The following DGKB variants were observed in gnomAD, a reference collection of about 807,000 sequenced individuals.
The protein encoded by DGKB is 90 kDa diacylglycerol kinase.
A neutral mutation model predicts 114.3 loss-of-function variants in DGKB; 67 were observed. The observed-to-expected ratio is 0.59, with a 90% CI of 0.48 to 0.72. The LOEUF (loss-of-function observed/expected upper bound fraction) is 0.72, where lower values mean the gene tolerates loss of function less well. Ranked by LOEUF, DGKB falls within the 30% of genes least tolerant of loss-of-function variation. DGKB has a pLI of 0.00. For missense variants in DGKB, 907 were observed against 975.2 expected, an observed-to-expected ratio of 0.93 and a Z score of 0.93; for synonymous variants, 398 against 323.1, an observed-to-expected ratio of 1.23 and a Z score of -2.49.
intron 23 of DGKB, among the ~76,000 whole-genome samples, chr7:14,277,105 C>T (rs982309377): frequency 6.6e-6 from 1 of 151,994 alleles, no homozygotes; most frequent in Non-Finnish European, 1.5e-5. Flanking sequence ...AAATTTTATA[C>T]CCTTTGACCA....
intron 25 of DGKB, among the ~76,000 whole-genome samples, chr7:14,150,762 G>A (rs765420846): frequency 5.9e-5 from 9 of 152,022 alleles, no homozygotes; most frequent in Non-Finnish European, 8.8e-5. Flanking sequence ...CTCTCAATAA[G>A]TCAGCATTAG....
At chr7:14,769,210 AAGAAAG>A (rs1390459627) in intron 2 of DGKB, among the ~76,000 whole-genome samples, 4 of 140,048 alleles carry the variant, frequency 2.9e-5, no homozygotes, top group East Asian at 2.1e-4. Context: ...GAAGAAAGGA[AAGAAAG>A]AGAAAGAGAG....
At chr7:14,220,352 G>C (rs753504348) in intron 23 of DGKB, among the ~76,000 whole-genome samples, 5 of 151,480 alleles carry the variant, frequency 3.3e-5, no homozygotes, top group Non-Finnish European at 7.4e-5. Flanking sequence ...TAGATATCCA[G>C]TTGTCTCAGC....
chr7:14,362,665 C>G (rs920263175), intron 21 of DGKB, among the ~76,000 whole-genome samples: 3 of 151,788 alleles, frequency 2.0e-5, no homozygotes, highest in Non-Finnish European at 4.4e-5. Context: ...AAAAATGCAA[C>G]AAAACATGGA....
chr7:14,645,035 C>G (rs1472199068), intron 13 of DGKB, among the ~76,000 whole-genome samples: 1 of 152,156 alleles, frequency 6.6e-6, no homozygotes, highest in African/African-American at 2.4e-5. Flanking sequence ...GAACTTCTAT[C>G]TCCATCTCAC....
At chr7:14,335,418 G>A (rs776115116) in intron 23 of DGKB, among the ~76,000 whole-genome samples, 2 of 151,816 alleles carry the variant, frequency 1.3e-5, no homozygotes, top group Non-Finnish European at 2.9e-5. Flanking sequence ...ACTATCTAAA[G>A]TTTATGAAAG....
chr7:14,598,418 A>G (rs2128757924), intron 17 of DGKB, among the ~76,000 whole-genome samples: 1 of 152,346 alleles, frequency 6.6e-6, no homozygotes, highest in South Asian at 2.1e-4. Context: ...ATGCAAAGGG[A>G]CTTTCTGCAT....
At chr7:14,918,340 A>C (rs1049738454) in intron 1 of DGKB, among the ~76,000 whole-genome samples, 1 of 152,178 alleles carries the variant, frequency 6.6e-6, no homozygotes, top group Non-Finnish European at 1.5e-5. Context: ...TAAAAGTACA[A>C]AAAAGAACAA....
intron 1 of DGKB, among the ~76,000 whole-genome samples, chr7:14,854,093 T>A (rs767910631): frequency 6.6e-6 from 1 of 152,158 alleles, no homozygotes; most frequent in Non-Finnish European, 1.5e-5. Context: ...GCATATGATT[T>A]CCTCATCTGG....
intron 2 of DGKB, among the ~76,000 whole-genome samples, chr7:14,815,618 C>A (rs1404981397): frequency 1.3e-5 from 2 of 152,210 alleles, no homozygotes; most frequent in Admixed American, 6.5e-5. Context: ...GCCTTGTTCT[C>A]TTCTAGCCAT....
chr7:14,535,113 T>A (rs1792217068), intron 20 of DGKB, among the ~76,000 whole-genome samples: 2 of 152,170 alleles, frequency 1.3e-5, no homozygotes, highest in Admixed American at 1.3e-4. Flanking sequence ...CTCACACTTG[T>A]AATCCCAAAA....
At position 14,878,562 on chromosome 7, in the gene DGKB, GGTGAAACCCC is replaced by G. The variant is rs375565636; in HGVS notation, c.-188+24020_-188+24029del. Among the ~76,000 whole-genome samples, 201 of 152,132 alleles carry G rather than the reference GGTGAAACCCC, an allele frequency of 1.3e-3. 1 individual carries two copies. Among genetic ancestry groups the G allele is most frequent in the African/African-American group, 4.5e-3 (187 of 41,524 alleles). ...AAATGGAGACCATCCTGGCTAACATGGTGAAACCCCGTCTCTACTAAGAATACAAAAACAA... is the reference window on the plus strand; with the variant it reads ...AAATGGAGACCATCCTGGCTAACATGGTCTCTACTAAGAATACAAAAACAA... On this transcript the variant is annotated intron_variant, in intron 1 of 25. Coordinates refer to ENST00000402815, the MANE Select transcript of DGKB (RefSeq NM_001350709.2).
intron 6 of DGKB, among the ~76,000 whole-genome samples, chr7:14,713,661 T>C (rs939007071): frequency 1.3e-5 from 2 of 151,056 alleles, no homozygotes; most frequent in East Asian, 2.0e-4. Flanking sequence ...TGTCAAACTA[T>C]AGGAAAGTTG....
chr7:14,296,011 T>A (rs893129313), intron 23 of DGKB, among the ~76,000 whole-genome samples: 1 of 150,812 alleles, frequency 6.6e-6, no homozygotes, highest in Admixed American at 6.7e-5. Context: ...CCAGCTTCAT[T>A]CATGTCCCTG....
chr7:14,578,375 G>C (rs1187492267), intron 19 of DGKB, among the ~76,000 whole-genome samples: 1 of 152,126 alleles, frequency 6.6e-6, no homozygotes, highest in Non-Finnish European at 1.5e-5. Context: ...ACAAGGCACT[G>C]TTATTTTCTT....
chr7:14,296,769 T>C (rs1802645921), intron 23 of DGKB, among the ~76,000 whole-genome samples: 1 of 149,738 alleles, frequency 6.7e-6, no homozygotes, highest in African/African-American at 2.4e-5. Context: ...TGTTTTTTTT[T>C]TTTTTTTTTT....
chr7:14,498,373 A>G (rs1247321117), intron 20 of DGKB, among the ~76,000 whole-genome samples: 1 of 151,896 alleles, frequency 6.6e-6, no homozygotes, highest in Non-Finnish European at 1.5e-5. Context: ...AAAGTATTAT[A>G]CAATCATAAT....
At chr7:14,810,990 T>C (rs1251160694) in intron 2 of DGKB, among the ~76,000 whole-genome samples, 2 of 152,138 alleles carry the variant, frequency 1.3e-5, no homozygotes, top group Non-Finnish European at 2.9e-5. Context: ...TTCACCTCTA[T>C]AGCCATGTGT....
At chr7:14,283,224 CA>C (rs1275899313) in intron 23 of DGKB, among the ~76,000 whole-genome samples, 1 of 151,506 alleles carries the variant, frequency 6.6e-6, no homozygotes, top group East Asian at 1.9e-4. Flanking sequence ...CAACCACAGA[CA>C]AACAGAGAGC....
Sources: gnomAD v4.1 joint callset for allele counts (sites outside exome capture counted in the v4.1 genomes callset) on GRCh38, gnomAD v4.1.1 for gene constraint, MANE v1.5 for transcripts, NCBI Gene and HGNC (gene_info 2026-07-23, HGNC 2026-07-21) for gene names.